KLHL1: variants seen among roughly 807,000 people sequenced by gnomAD.
KLHL1 encodes kelch like family member 1, also known as kelch-like protein 1.
A neutral mutation model predicts 77.7 loss-of-function variants in KLHL1; 47 were observed. That is an observed-to-expected ratio of 0.60 (90% confidence interval 0.48 to 0.77). KLHL1 has a LOEUF of 0.77. Ranked by LOEUF, KLHL1 falls within the 30% of genes least tolerant of loss-of-function variation. KLHL1 has a pLI of 0.00. For synonymous variants in KLHL1, 360 were observed against 325.2 expected, an observed-to-expected ratio of 1.11 and a Z score of -1.15; for missense variants, 925 against 910.8, an observed-to-expected ratio of 1.02 and a Z score of -0.20.
Position 69,784,830 on chromosome 13 carries a change from C to T in KLHL1, c.1639+11908G>A, listed in dbSNP as rs1438103881. Among the ~76,000 whole-genome samples the T allele has an allele frequency of 1.3e-4, 20 of 150,040 alleles. No homozygotes were observed. In the East Asian group the frequency reaches 1.6e-3, roughly 12 times the overall value. On this transcript the variant is annotated intron_variant, in intron 7 of 10. Coordinates refer to ENST00000377844, the MANE Select transcript of KLHL1 (RefSeq NM_020866.3). The stretch of plus-strand genomic sequence containing the variant: ...GAATTGAACTCAGCTCTGCACCAAG[C>T]GGACCTAATAGACATCTACAGAACT...
chr13:69,895,070 C>T (rs988241734), intron 4 of KLHL1: 1 of 484,294 alleles, frequency 2.1e-6, no homozygotes, highest in Non-Finnish European at 4.1e-6. Flanking sequence ...TTCAGATCAC[C>T]CACTTCGGAT....
At chr13:69,862,435 C>G (rs1880209685) in intron 5 of KLHL1, among the ~76,000 whole-genome samples, 1 of 152,060 alleles carries the variant, frequency 6.6e-6, no homozygotes. Flanking sequence ...AATTCCTACC[C>G]TTAAGGTATG....
At chr13:69,825,035 A>G (rs1832980998) in intron 6 of KLHL1, among the ~76,000 whole-genome samples, 1 of 152,148 alleles carries the variant, frequency 6.6e-6, no homozygotes, top group Non-Finnish European at 1.5e-5. Flanking sequence ...AAAATGATAG[A>G]TGGATACGTA....
At chr13:69,897,100 C>A (rs1394956707) in intron 4 of KLHL1, among the ~76,000 whole-genome samples, 1 of 152,066 alleles carries the variant, frequency 6.6e-6, no homozygotes, top group Non-Finnish European at 1.5e-5. Flanking sequence ...TGAAAGGATA[C>A]CTGATAATTT....
At chr13:69,877,366 G>A (rs1024969206) in intron 5 of KLHL1, among the ~76,000 whole-genome samples, 5 of 151,958 alleles carry the variant, frequency 3.3e-5, no homozygotes, top group African/African-American at 9.6e-5. Context: ...GTTAAAACAC[G>A]TTATTTATTT....
At position 70,088,412 on chromosome 13, in the gene KLHL1, G is replaced by A. The variant is rs1420104829; in HGVS notation, c.497+18791C>T. Among the ~76,000 whole-genome samples, 3 of 152,108 alleles carry A rather than the reference G, an allele frequency of 2.0e-5. No homozygotes were observed. In the East Asian group the frequency reaches 5.8e-4, roughly 29 times the overall value. Reference sequence around the variant, plus strand: ...ATAAAAAAAAAGGCCAGGTGTGGTGGCTTACACCTGTAATTTCAACACTTG... The same window carrying A: ...ATAAAAAAAAAGGCCAGGTGTGGTGACTTACACCTGTAATTTCAACACTTG... On this transcript the variant is annotated intron_variant, in intron 1 of 10. Coordinates refer to ENST00000377844, the MANE Select transcript of KLHL1 (RefSeq NM_020866.3).
chr13:69,862,582 C>T (rs1234045220), intron 5 of KLHL1, among the ~76,000 whole-genome samples: 1 of 152,044 alleles, frequency 6.6e-6, no homozygotes, highest in Non-Finnish European at 1.5e-5. Context: ...AAGTTTTATA[C>T]CTGTTGCTAT....
chr13:69,784,703 C>T (rs574214717), intron 7 of KLHL1, among the ~76,000 whole-genome samples: 27 of 151,548 alleles, frequency 1.8e-4, no homozygotes, highest in African/African-American at 5.8e-4. Context: ...TAGTGACCTA[C>T]AAAGAGACTT....
At chr13:69,988,189 A>G (rs1461620878) in intron 1 of KLHL1, among the ~76,000 whole-genome samples, 1 of 151,858 alleles carries the variant, frequency 6.6e-6, no homozygotes, top group Non-Finnish European at 1.5e-5. Context: ...CTTAGCTGCT[A>G]CTTATAAGTG....
intron 5 of KLHL1, among the ~76,000 whole-genome samples, chr13:69,848,128 C>A (rs1436614822): frequency 6.6e-6 from 1 of 151,356 alleles, no homozygotes; most frequent in African/African-American, 2.4e-5. Context: ...TCAAACTGTA[C>A]AAGCGAAAAC....
chr13:69,895,215 C>T, intron 4 of KLHL1: 1 of 512,974 alleles, frequency 1.9e-6, no homozygotes. Context: ...GAGGTGTTAC[C>T]AGTTGCAGTT....
chr13:69,919,215 A>G (rs1217087522), intron 4 of KLHL1, among the ~76,000 whole-genome samples: 1 of 152,198 alleles, frequency 6.6e-6, no homozygotes, highest in Admixed American at 6.5e-5. Flanking sequence ...TACTGAGAAG[A>G]ACATTCTTTC....
chr13:69,736,279 A>G (rs915392930), intron 8 of KLHL1, among the ~76,000 whole-genome samples: 2 of 152,214 alleles, frequency 1.3e-5, no homozygotes, highest in Non-Finnish European at 2.9e-5. Context: ...GAACAAACAT[A>G]TGAAAAAATT....
chr13:69,957,322 T>C (rs555648347), intron 3 of KLHL1, among the ~76,000 whole-genome samples: 1 of 151,884 alleles, frequency 6.6e-6, no homozygotes, highest in South Asian at 2.1e-4. Context: ...CTGCTCCACA[T>C]AATCCTGTGC....
At chr13:69,903,416 G>A (rs1431987971) in intron 4 of KLHL1, among the ~76,000 whole-genome samples, 1 of 152,000 alleles carries the variant, frequency 6.6e-6, no homozygotes, top group Non-Finnish European at 1.5e-5. Flanking sequence ...TGGCCAGTCA[G>A]CACTTAGCAA....
In KLHL1 at chr13:69,961,447, G is replaced by A. The variant is rs754500328; in HGVS notation, c.681-3C>T. ...CGGAGACTGAACTCAGAACAAGCCT[G>A]AAAGAGTCACAGGTTCTAATTTAGG... On this transcript the variant is annotated splice_region_variant and splice_polypyrimidine_tract_variant and intron_variant, in intron 2 of 10. Transcript: ENST00000377844. 2 of 1,612,528 alleles carry A rather than the reference G, an allele frequency of 1.2e-6. No individual in the cohort carries two copies. Among genetic ancestry groups the A allele is most frequent in the Admixed American group, 1.7e-5 (1 of 59,792 alleles).
chr13:69,972,154 C>A (rs778123880), intron 2 of KLHL1, among the ~76,000 whole-genome samples: 3 of 151,942 alleles, frequency 2.0e-5, no homozygotes, highest in Non-Finnish European at 4.4e-5. Flanking sequence ...AGAAGCAGTA[C>A]TATCTGCCTA....
chr13:70,046,057 G>A (rs995356967), intron 1 of KLHL1, among the ~76,000 whole-genome samples: 4 of 152,132 alleles, frequency 2.6e-5, no homozygotes, highest in Non-Finnish European at 5.9e-5. Flanking sequence ...TGGACATCAT[G>A]TTGAATCTCC....
intron 8 of KLHL1, among the ~76,000 whole-genome samples, chr13:69,730,672 A>G (rs1873503513): frequency 6.6e-6 from 1 of 152,042 alleles, no homozygotes; most frequent in African/African-American, 2.4e-5. Flanking sequence ...TCCTGATTCA[A>G]GTAATCCTCT....
Sources: gnomAD v4.1 joint callset for allele counts (sites outside exome capture counted in the v4.1 genomes callset) on GRCh38, gnomAD v4.1.1 for gene constraint, MANE v1.5 for transcripts, NCBI Gene and HGNC (gene_info 2026-07-23, HGNC 2026-07-21) for gene names.